Variants in SIGLEC5 observed in about 807,000 individuals in gnomAD.
The protein encoded by SIGLEC5 is sialic acid binding Ig like lectin 5, also known as sialic acid-binding Ig-like lectin 5.
In SIGLEC5, 34 loss-of-function variants were observed where a neutral mutation model predicts 45.9. The observed-to-expected ratio is 0.74, with a 90% confidence interval of 0.56 to 0.99. The LOEUF is 0.99. Ranked by LOEUF, SIGLEC5 falls within the 50% of genes least tolerant of loss-of-function variation. The pLI is 0.00. For synonymous variants in SIGLEC5, 203 were observed against 258.6 expected, an observed-to-expected ratio of 0.79 and a Z score of 2.06; for missense variants, 508 against 629.6, an observed-to-expected ratio of 0.81 and a Z score of 2.07.
rs774937510 is a variant in SIGLEC5, at chr19:51,627,857, A to C, written c.974T>G (p.Ile325Ser). Residue 325 changes from isoleucine (I) to serine (S), a missense_variant, in exon 5 of 9, where the codon ATT becomes AGT. Around this residue, in one of 2 missense-constraint regions of SIGLEC5, gnomAD observed 431 missense variants for 428.8 expected, o/e 1.01. Transcript: ENST00000683636. ...ACAGTAAACTGAGAGATTCAGAAAA[A>C]TTTGCAGGAAGCCCAGCGGGTGCTG... ...RAQHPLGFLQ[I>S]FLNLSVYSLP... 1.4e-5 allele frequency: 23 copies of C among 1,607,218 alleles called. No individual in the cohort carries two copies. Among genetic ancestry groups the C allele is most frequent in the Non-Finnish European group, 1.9e-5 (22 of 1,176,702 alleles).
Position 51,626,075 on chromosome 19 carries a change from T to A in SIGLEC5, c.1421A>T (p.Glu474Val), listed in dbSNP as rs764161336. ...AATGGGGTCTTCATCATCCATTTTC[T>A]CTGGTCTCCCAGCTGCTTGCTTCCT... Reference protein sequence around the residue: ...ARRKQAAGRPEKMDDEDPIMG... With the variant: ...ARRKQAAGRPVKMDDEDPIMG... Residue 474 changes from glutamate (E) to valine (V), a missense_variant, in exon 8 of 9, where the codon GAG becomes GTG. Glu to Val is a moderately radical substitution (Grantham distance 121, BLOSUM62 -2). Coordinates refer to ENST00000683636, the MANE Select transcript of SIGLEC5 (RefSeq NM_003830.4). The A allele has an allele frequency of 1.9e-6, 3 of 1,613,984 alleles. No homozygotes were observed. The highest frequency in any genetic ancestry group is 2.5e-6 in the Non-Finnish European group (3 of 1,180,030).
rs1442573684 is a variant in SIGLEC5 at position 51,626,125 on chromosome 19, A to G, written c.1383-12T>C. On this transcript the variant is annotated splice_polypyrimidine_tract_variant and intron_variant, in intron 7 of 8. Transcript: ENST00000683636. ...TGCGGGCTTTCACTCTAAGGAAAGA[A>G]ACCAGCACAGTGCAGCTGGGACCAC... is the stretch of plus-strand genomic sequence containing the variant. 1.2e-6 allele frequency: 2 copies of G among 1,612,384 alleles called. No individual in the cohort carries two copies. The highest frequency in any genetic ancestry group is 1.7e-6 in the Non-Finnish European group (2 of 1,179,322).
At chr19:51,612,954 G>A (rs780444009) in intron 8 of SIGLEC5, among the ~76,000 whole-genome samples, 1 of 151,902 alleles carries the variant, frequency 6.6e-6, no homozygotes, top group African/African-American at 2.4e-5. Context: ...CTTTCCATTC[G>A]CCCTTCCAGG....
Position 51,628,111 on chromosome 19 carries a change from G to A in SIGLEC5, c.740-20C>T. On this transcript the variant is annotated intron_variant, in intron 4 of 8. Transcript: ENST00000683636. ...CTAGGGCTTTGGGGAGAGAAGGGTG[G>A]GGAAAGAGAGATGGGGCCAGGGAGG... is the stretch of plus-strand genomic sequence containing the variant. 6.7e-7 allele frequency: 1 copy of A among 1,502,780 alleles called. No homozygotes were observed. Among genetic ancestry groups the A allele is most frequent in the South Asian group, 1.4e-5 (1 of 72,746 alleles). 93.1% of individuals were successfully genotyped at this position (1,502,780 alleles called of 1,614,324 possible). A position where few individuals can be genotyped will look rare whatever the true frequency, so the allele number is the denominator to read the frequency against.
chr19:51,624,533 C>G (rs1458763653), intron 8 of SIGLEC5, among the ~76,000 whole-genome samples: 1 of 152,092 alleles, frequency 6.6e-6, no homozygotes, highest in African/African-American at 2.4e-5. Flanking sequence ...ACAGCTTGGT[C>G]ATGAACTAAG....
intron 8 of SIGLEC5, among the ~76,000 whole-genome samples, chr19:51,614,965 C>CA (rs1040286789): frequency 1.1e-4 from 16 of 151,964 alleles, no homozygotes; most frequent in African/African-American, 2.9e-4. Flanking sequence ...TAGGAGAAAA[C>CA]AAAAAAACAG....
chr19:51,619,427 T>C (rs1983198203), intron 8 of SIGLEC5, among the ~76,000 whole-genome samples: 1 of 152,180 alleles, frequency 6.6e-6, no homozygotes, highest in African/African-American at 2.4e-5. Context: ...TTACAAAAAT[T>C]CATTGTATAC....
chr19:51,628,750 ATG>A (rs1005999103), intron 4 of SIGLEC5, among the ~76,000 whole-genome samples: 5 of 129,712 alleles, frequency 3.9e-5, no homozygotes, highest in African/African-American at 8.7e-5. Flanking sequence ...GCCTGTGTGC[ATG>A]TGTGTGTGTA....
At chr19:51,619,220 G>A (rs1430018796) in intron 8 of SIGLEC5, among the ~76,000 whole-genome samples, 1 of 152,168 alleles carries the variant, frequency 6.6e-6, no homozygotes, top group African/African-American at 2.4e-5. Context: ...GACTACAGGT[G>A]CCTGCCACCA....
chr19:51,612,736 T>G (rs113672146), intron 8 of SIGLEC5, among the ~76,000 whole-genome samples: 1 of 152,204 alleles, frequency 6.6e-6, no homozygotes, highest in African/African-American at 2.4e-5. Flanking sequence ...GCAGATATAC[T>G]GCAGCAACCA....
chr19:51,613,318 A>G (rs919767797), intron 8 of SIGLEC5, among the ~76,000 whole-genome samples: 1 of 152,184 alleles, frequency 6.6e-6, no homozygotes, highest in Non-Finnish European at 1.5e-5. Context: ...GCCGGGCTAG[A>G]TTTTATGACC....
At chr19:51,627,315 G>A in intron 6 of SIGLEC5, 67 bp from the exon 7 acceptor site, 1 of 1,563,454 alleles carries the variant, frequency 6.4e-7, no homozygotes. Flanking sequence ...CCACCTGCTG[G>A]GCAACTTGCT....
chr19:51,623,812 A>G (rs1190936371), intron 8 of SIGLEC5, among the ~76,000 whole-genome samples: 2 of 152,226 alleles, frequency 1.3e-5, no homozygotes, highest in East Asian at 3.8e-4. Context: ...TGAGACAAGG[A>G]TAAGAATGTT....
At position 51,629,045 on chromosome 19, in the gene SIGLEC5, G is replaced by T. The variant is rs144851057; in HGVS notation, c.732C>A (p.Asn244Lys). The T allele has an allele frequency of 6.2e-7, 1 of 1,613,782 alleles. No homozygotes were observed. The highest frequency in any genetic ancestry group is 1.1e-5 in the South Asian group (1 of 91,072). Reference sequence around the variant, plus strand: ...AGAGGAGGTCTTTCCTACCTATGCCGTTCCTGAAGATGGTGATGGTCTGTG... The same window carrying T: ...AGAGGAGGTCTTTCCTACCTATGCCTTTCCTGAAGATGGTGATGGTCTGTG... ...YAPQTITIFR[N>K]GIALEILQNT... The change falls in exon 4 of 9, where the codon AAC (asparagine) becomes AAA (lysine). Residue 244 changes from asparagine (N) to lysine (K), a missense_variant. Transcript: ENST00000683636.
rs1283736293 is a variant in SIGLEC5 at position 51,626,018 on chromosome 19, C to A, written c.1464+14G>T. 1 of 1,610,446 alleles carries A rather than the reference C, an allele frequency of 6.2e-7. No homozygotes were observed. Among genetic ancestry groups the A allele is most frequent in the East Asian group, 2.2e-5 (1 of 44,860 alleles). On this transcript the variant is annotated intron_variant, in intron 8 of 8. Coordinates refer to ENST00000683636, the MANE Select transcript of SIGLEC5 (RefSeq NM_003830.4). Reference sequence around the variant, plus strand: ...GAGTGGACATGCACATGAGAAGATCCCCAAACCACTCACCGAGGTGATGGT... The same window carrying A: ...GAGTGGACATGCACATGAGAAGATCACCAAACCACTCACCGAGGTGATGGT...
chr19:51,612,599 G>T (rs1982900288), intron 8 of SIGLEC5, among the ~76,000 whole-genome samples, 177 bp from the exon 9 acceptor site: 1 of 152,206 alleles, frequency 6.6e-6, no homozygotes, highest in Non-Finnish European at 1.5e-5. Flanking sequence ...CCTCCTCCCA[G>T]TTCCCCAAGG....
chr19:51,622,159 T>C (rs544367415), intron 8 of SIGLEC5, among the ~76,000 whole-genome samples: 5 of 152,050 alleles, frequency 3.3e-5, no homozygotes, highest in Non-Finnish European at 7.4e-5. Flanking sequence ...TGAGACGGAG[T>C]CGTGTTCTGT....
intron 8 of SIGLEC5, among the ~76,000 whole-genome samples, chr19:51,613,301 A>T (rs1467236721): frequency 1.3e-5 from 2 of 152,214 alleles, no homozygotes; most frequent in Non-Finnish European, 2.9e-5. Flanking sequence ...TGGGGTTCCC[A>T]TTCAAGGCCG....
chr19:51,617,853 G>C (rs1046723770), intron 8 of SIGLEC5, among the ~76,000 whole-genome samples: 25 of 151,876 alleles, frequency 1.6e-4, no homozygotes, highest in Non-Finnish European at 2.4e-4. Flanking sequence ...TAATAACACA[G>C]AACAAAAACT....
Sources: gnomAD v4.1 joint callset for allele counts (sites outside exome capture counted in the v4.1 genomes callset) on GRCh38, gnomAD v4.1.1 for gene constraint, gnomAD v4.1.1 regional missense constraint, MANE v1.5 for transcripts, NCBI Gene and HGNC (gene_info 2026-07-23, HGNC 2026-07-21) for gene names.